Variants in NADK observed in about 807,000 individuals in gnomAD.
NADK encodes NAD kinase, also known as poly(P)/ATP NAD kinase.
In NADK, 22 loss-of-function variants were observed where a neutral mutation model predicts 49.8. That is an observed-to-expected ratio of 0.44 (90% CI 0.32 to 0.63). The LOEUF is 0.63. Ranked by LOEUF, NADK falls within the 30% of genes least tolerant of loss-of-function variation. The pLI is 0.06. For missense variants in NADK, 438 were observed against 609.4 expected (o/e 0.72, Z 2.96); for synonymous variants, 268 against 253.7 (o/e 1.06, Z -0.54).
chr1:1,769,039 G>C (rs936231191), intron 1 of NADK, among the ~76,000 whole-genome samples: 2 of 152,200 alleles, frequency 1.3e-5, no homozygotes, highest in Admixed American at 6.5e-5. Flanking sequence ...CCCAGGCACC[G>C]GCACTTTAAA....
chr1:1,753,753 G>T, intron 10 of NADK, 104 bp from the exon 11 acceptor site: 2 of 1,087,728 alleles, frequency 1.8e-6, no homozygotes, highest in Non-Finnish European at 2.7e-6. Context: ...GGGCAGCTCT[G>T]ACCCTGCCTT....
Position 1,752,789 on chromosome 1 carries a change from G to C in NADK, c.*115C>G. On this transcript the variant is annotated 3_prime_UTR_variant, in exon 12 of 12. Coordinates refer to ENST00000341426, the MANE Select transcript of NADK (RefSeq NM_023018.5). ...AGACCCAGGCTCTAACCCAGCTACA[G>C]AAAGGAAGTGGCCGTGCCACTGAGA... 1 of 1,263,818 alleles carries C rather than the reference G, an allele frequency of 7.9e-7. No individual in the cohort carries two copies. The highest frequency in any genetic ancestry group is 2.2e-5 in the Admixed American group (1 of 45,744). 78.3% of individuals were successfully genotyped at this position (1,263,818 alleles called of 1,614,324 possible).
At chr1:1,764,858 G>A (rs1173201528) in intron 2 of NADK, among the ~76,000 whole-genome samples, 3 of 152,208 alleles carry the variant, frequency 2.0e-5, no homozygotes, top group African/African-American at 2.4e-5. Flanking sequence ...CCAAGATTGC[G>A]CCACTGCACT....
intron 3 of NADK, chr1:1,758,373 G>A (rs780826411): frequency 1.2e-6 from 2 of 1,610,098 alleles, no homozygotes; most frequent in Non-Finnish European, 1.7e-6. Flanking sequence ...ACCCTGTGCA[G>A]GCATTACTGG....
At chr1:1,760,798 C>T (rs1464065764) in intron 3 of NADK, among the ~76,000 whole-genome samples, 2 of 152,064 alleles carry the variant, frequency 1.3e-5, no homozygotes, top group Non-Finnish European at 2.9e-5. Context: ...AGGATGTCTA[C>T]CAGGTGCAGA....
In NADK at chr1:1,754,711, A is replaced by C. The variant is rs1645454496; in HGVS notation, c.689-13T>G. 6.3e-7 allele frequency: 1 copy of C among 1,597,030 alleles called. No individual in the cohort carries two copies. Among genetic ancestry groups the C allele is most frequent in the South Asian group, 1.1e-5 (1 of 89,790 alleles). On this transcript the variant is annotated splice_polypyrimidine_tract_variant and intron_variant, in intron 7 of 11. Transcript: ENST00000341426. This position sits in a 1 kb window ranked among gnomAD's most constrained non-coding sequence, Gnocchi z 4.3. Reference sequence around the variant, plus strand: ...ACAGCTGCGTTCCCTGAGGTCCAGCAGGAGTCAGAGGGCATGCATCAGGGA... The same window carrying C: ...ACAGCTGCGTTCCCTGAGGTCCAGCCGGAGTCAGAGGGCATGCATCAGGGA...
chr1:1,764,207 C>T (rs1450048463), intron 2 of NADK, among the ~76,000 whole-genome samples: 1 of 152,228 alleles, frequency 6.6e-6, no homozygotes, highest in East Asian at 1.9e-4. Flanking sequence ...TCTAAGACTA[C>T]TTTTCACCAA....
intron 1 of NADK, among the ~76,000 whole-genome samples, chr1:1,772,802 G>A (rs1172973497): frequency 6.6e-6 from 1 of 152,068 alleles, no homozygotes; most frequent in African/African-American, 2.4e-5. Flanking sequence ...CACTTTCGGA[G>A]GCCAAGGCGG....
chr1:1,759,551 C>T (rs1645647698), intron 3 of NADK, among the ~76,000 whole-genome samples: 1 of 152,264 alleles, frequency 6.6e-6, no homozygotes, highest in East Asian at 1.9e-4. Context: ...GGCGCCCCCA[C>T]AGGGTCTTGC....
intron 4 of NADK, 111 bp from the exon 5 acceptor site, chr1:1,756,719 G>T: frequency 6.4e-7 from 1 of 1,565,658 alleles, no homozygotes; most frequent in Non-Finnish European, 8.7e-7. Flanking sequence ...TGGCCTGCAT[G>T]CCCGCCCCCC....
intron 1 of NADK, among the ~76,000 whole-genome samples, chr1:1,766,196 G>A (rs1018544443): frequency 4.0e-5 from 6 of 151,748 alleles, no homozygotes; most frequent in African/African-American, 4.8e-5. Context: ...ACCTGAGGTC[G>A]GGAGTTTGAG....
At position 1,761,945 on chromosome 1, in the gene NADK, C is replaced by T. The variant is rs1328765985; in HGVS notation, c.263+7G>A. The stretch of plus-strand genomic sequence containing the variant: ...AGAACCCCCCGTCCTGGGGCCCCAG[C>T]ACTCACATGATGGTCTGGGGGTTCT... On this transcript the variant is annotated splice_region_variant and intron_variant, in intron 3 of 11. Transcript: ENST00000341426. The T allele has an allele frequency of 2.5e-6, 4 of 1,613,822 alleles. No individual in the cohort carries two copies. The highest frequency in any genetic ancestry group is 3.4e-6 in the Non-Finnish European group (4 of 1,179,794).
At chr1:1,776,898 G>T (rs544284395) in intron 1 of NADK, among the ~76,000 whole-genome samples, 1 of 151,800 alleles carries the variant, frequency 6.6e-6, no homozygotes, top group East Asian at 1.9e-4. Flanking sequence ...ACAACACAGT[G>T]AGACTCTATC....
chr1:1,759,241 C>T (rs1239788009), intron 3 of NADK: 1 of 1,568,270 alleles, frequency 6.4e-7, no homozygotes. Context: ...CTTCCTGGGT[C>T]ACCTGCAAAG....
rs1646268557 is a variant in NADK, at chr1:1,778,210, G to C, written c.-41+79C>G. On this transcript the variant is annotated intron_variant, in intron 1 of 11. Coordinates refer to ENST00000341426, the MANE Select transcript of NADK (RefSeq NM_023018.5). The surrounding 1 kb of genome is among the most constrained non-coding windows in gnomAD (Gnocchi z 4.9). ...GGGCCGGCCTGGTGTCTCCCCGCCT[G>C]GCCGCGCGCTCGCGGGCAGCGATGA... 1 of 152,218 alleles carries C rather than the reference G, an allele frequency of 6.6e-6. No individual in the cohort carries two copies. The highest frequency in any genetic ancestry group is 2.4e-5 in the African/African-American group (1 of 41,460). The allele number at this position is 152,218 out of a possible 1,614,324, so 9.4% of individuals were successfully genotyped here.
intron 1 of NADK, among the ~76,000 whole-genome samples, chr1:1,765,722 G>T (rs975741990): frequency 6.6e-6 from 1 of 151,944 alleles, no homozygotes; most frequent in Non-Finnish European, 1.5e-5. Context: ...AACCAGCCTC[G>T]CCTGACCAAT....
At position 1,756,448 on chromosome 1, in the gene NADK, A is replaced by G. The variant is rs141267799; in HGVS notation, c.499+55T>C. On this transcript the variant is annotated intron_variant, in intron 5 of 11. Transcript: ENST00000341426. ...AAGGGCAACAGTGCCAGAAGCTTCC[A>G]ATGGGGCGGGGAACTGTGCTGGAGA... 5.1e-4 allele frequency: 817 copies of G among 1,612,594 alleles called. 5 individuals are homozygous for G. The African/African-American group carries it at 8.8e-3, about 17-fold the overall frequency.
chr1:1,777,119 A>G (rs780698051), intron 1 of NADK, among the ~76,000 whole-genome samples: 17 of 152,160 alleles, frequency 1.1e-4, no homozygotes, highest in Non-Finnish European at 2.4e-4. Flanking sequence ...TCTCGAGAGG[A>G]CACCTCCAAA....
chr1:1,754,604 C>G lies in NADK; in HGVS notation c.783G>C (p.Glu261Asp). 1 of 1,614,012 alleles carries G rather than the reference C, an allele frequency of 6.2e-7. No homozygotes were observed. The highest frequency in any genetic ancestry group is 1.1e-5 in the South Asian group (1 of 91,088). Residue 261 changes from glutamate (E) to aspartate (D), a missense_variant, in exon 8 of 12, where the codon GAG (glutamate) becomes GAC (aspartate). Transcript: ENST00000341426. The surrounding 1 kb of genome is among the most constrained non-coding windows in gnomAD (Gnocchi z 4.3). ...KKTAVHNGLG[E>D]NGSQAAGLDM... is the part of the protein sequence containing the mutation. ...CCAGGCCTGCAGCCTGCGAGCCGTTCTCACCCAGCCCATTGTGCACGGCCG... is the reference window on the plus strand; with the variant it reads ...CCAGGCCTGCAGCCTGCGAGCCGTTGTCACCCAGCCCATTGTGCACGGCCG...
Sources: allele counts gnomAD v4.1 joint callset (sites outside exome capture counted in the v4.1 genomes callset), GRCh38; gene constraint gnomAD v4.1.1; non-coding constraint Gnocchi (gnomAD v3.1); transcripts MANE v1.5; gene names NCBI Gene and HGNC (gene_info 2026-07-23, HGNC 2026-07-21).